Variants in BANK1 observed in about 807,000 individuals in gnomAD.
BANK1 encodes the protein B cell scaffold protein with ankyrin repeats 1.
In BANK1, 95 loss-of-function variants were observed where a neutral mutation model predicts 94.5. That is an observed-to-expected ratio of 1.00 (90% CI 0.85 to 1.19). The LOEUF (loss-of-function observed/expected upper bound fraction) is 1.19. Among genes scored for constraint, BANK1 ranks in the 50% most tolerant of loss-of-function variants. BANK1 has a pLI of 0.00. For missense variants in BANK1, 987 were observed against 932.2 expected (o/e 1.06, Z -0.77); for synonymous variants, 334 against 308.4 (o/e 1.08, Z -0.87).
At position 101,976,909 on chromosome 4, in the gene BANK1, T is replaced by C. The variant is rs544014980; in HGVS notation, c.1207-44605T>C. On this transcript the variant is annotated intron_variant, in intron 7 of 16. Transcript: ENST00000322953. Reference sequence around the variant, plus strand: ...GGTAGCATTATTTTACAGGATGCAGTATTCAATTTATTTCTATTATAACAA... The same window carrying C: ...GGTAGCATTATTTTACAGGATGCAGCATTCAATTTATTTCTATTATAACAA... 3.3e-5 allele frequency: 5 copies of C among 152,292 alleles called. No homozygotes were observed. The East Asian group carries it at 9.6e-4, about 29-fold the overall frequency. The allele number at this position is 152,292 out of a possible 1,614,324, so 9.4% of individuals were successfully genotyped here. A position where few individuals can be genotyped will look rare whatever the true frequency, so the allele number is the denominator to read the frequency against.
chr4:101,912,922 A>G (rs1222057907), intron 6 of BANK1, among the ~76,000 whole-genome samples: 1 of 152,166 alleles, frequency 6.6e-6, no homozygotes, highest in African/African-American at 2.4e-5. Context: ...TAAAATGCTG[A>G]AATAGTCCTT....
chr4:101,952,086 A>C (rs546583294), intron 7 of BANK1, among the ~76,000 whole-genome samples: 1 of 151,996 alleles, frequency 6.6e-6, no homozygotes, highest in African/African-American at 2.4e-5. Flanking sequence ...AAATGCATAA[A>C]TAAATAAATA....
At chr4:101,800,272 A>G (rs1725314813) in intron 1 of BANK1, among the ~76,000 whole-genome samples, 1 of 151,620 alleles carries the variant, frequency 6.6e-6, no homozygotes, top group Non-Finnish European at 1.5e-5. Context: ...CTAGAACTTG[A>G]AGTATAATTT....
At chr4:102,010,385 T>G (rs1180827576) in intron 7 of BANK1, among the ~76,000 whole-genome samples, 1 of 151,188 alleles carries the variant, frequency 6.6e-6, no homozygotes, top group Admixed American at 6.6e-5. Context: ...TTAGTTTGAT[T>G]AATTTCTTTT....
intron 7 of BANK1, among the ~76,000 whole-genome samples, chr4:101,947,309 A>ATATATATATATATG (rs1176507515): frequency 0.055 from 3,724 of 67,562 alleles, 297 homozygotes; most frequent in Non-Finnish European, 0.089. Context: ...ATATATATAT[A>ATATATATATATATG]TATGTATATG....
chr4:101,867,495 A>G (rs1477589098), intron 4 of BANK1, among the ~76,000 whole-genome samples: 2 of 151,998 alleles, frequency 1.3e-5, no homozygotes, highest in African/African-American at 4.8e-5. Context: ...TAAATGAATG[A>G]AGGTAAAAAC....
intron 3 of BANK1, among the ~76,000 whole-genome samples, chr4:101,861,012 G>C (rs977188946): frequency 3.9e-5 from 6 of 152,270 alleles, no homozygotes; most frequent in African/African-American, 1.4e-4. Context: ...TACTAGAAGC[G>C]AGGCCCTGTG....
At chr4:101,976,998 A>T (rs1725155712) in intron 7 of BANK1, 1 of 152,148 alleles carries the variant, frequency 6.6e-6, no homozygotes. Context: ...GTGTTGTGAA[A>T]GTCATCCAGA....
rs143614229 is a variant in BANK1, at chr4:102,039,460, T to G, written c.1901-4379T>G. Among the ~76,000 whole-genome samples the G allele has an allele frequency of 4.1e-3, 626 of 152,254 alleles. 4 individuals carry two copies. Among genetic ancestry groups the G allele is most frequent in the African/African-American group, 0.014 (596 of 41,560 alleles). ...TTGCTGGCTAGACAAAGGGTTTATTTACACTGTGGTTGCTTGTTTGTTTGT... is the reference window on the plus strand; with the variant it reads ...TTGCTGGCTAGACAAAGGGTTTATTGACACTGTGGTTGCTTGTTTGTTTGT... On this transcript the variant is annotated intron_variant, in intron 10 of 16. Coordinates refer to ENST00000322953, the MANE Select transcript of BANK1 (RefSeq NM_017935.5).
At chr4:101,916,605 CACAA>C (rs1343367196) in intron 6 of BANK1, among the ~76,000 whole-genome samples, 21 of 152,104 alleles carry the variant, frequency 1.4e-4, no homozygotes, top group Admixed American at 1.4e-3. Flanking sequence ...AGCAACTCTG[CACAA>C]ACAAATGTAT....
intron 2 of BANK1, among the ~76,000 whole-genome samples, chr4:101,839,959 TTTTTTTTTTTTTTTTTTTTTTTTTTTTG>T (rs1726976057): frequency 6.1e-5 from 4 of 65,082 alleles, no homozygotes; most frequent in South Asian, 1.3e-3. Context: ...TTTTTTTTTT[TTTTTTTTTTTTTTTTTTTTTTTTTTTTG>T]AGACAGAGTC....
At chr4:102,016,737 T>C (rs1726713851) in intron 7 of BANK1, among the ~76,000 whole-genome samples, 2 of 152,200 alleles carry the variant, frequency 1.3e-5, no homozygotes, top group African/African-American at 2.4e-5. Flanking sequence ...CTGACATATC[T>C]CCCTTCTGGT....
intron 5 of BANK1, among the ~76,000 whole-genome samples, chr4:101,883,885 A>G (rs1728760900): frequency 6.6e-6 from 1 of 152,110 alleles, no homozygotes; most frequent in African/African-American, 2.4e-5. Context: ...ATCATCAATA[A>G]CTCTTTGGAA....
intron 10 of BANK1, among the ~76,000 whole-genome samples, chr4:102,034,818 C>T (rs1377013538): frequency 1.3e-5 from 2 of 152,192 alleles, no homozygotes; most frequent in Non-Finnish European, 2.9e-5. Context: ...GAGGAAGAGG[C>T]AGGATTTGGA....
chr4:101,987,387 A>AG (rs1260174262), intron 7 of BANK1, among the ~76,000 whole-genome samples: 1 of 152,138 alleles, frequency 6.6e-6, no homozygotes, highest in Admixed American at 6.6e-5. Flanking sequence ...AGTTTATGTT[A>AG]CATTTTCAAG....
chr4:101,911,430 A>T (rs1209740118), intron 6 of BANK1, among the ~76,000 whole-genome samples: 1 of 152,148 alleles, frequency 6.6e-6, no homozygotes, highest in African/African-American at 2.4e-5. Context: ...GAAACATTGT[A>T]ATTTTTGTTT....
intron 4 of BANK1, among the ~76,000 whole-genome samples, chr4:101,869,452 C>T (rs543841984): frequency 2.0e-5 from 3 of 151,864 alleles, no homozygotes; most frequent in South Asian, 4.1e-4. Flanking sequence ...CATGCATCTT[C>T]TTTGTAATAC....
At chr4:101,950,144 C>G (rs1724100150) in intron 7 of BANK1, among the ~76,000 whole-genome samples, 1 of 152,036 alleles carries the variant, frequency 6.6e-6, no homozygotes, top group Non-Finnish European at 1.5e-5. Context: ...AGCTCCTTGC[C>G]TCTATATGAC....
At chr4:101,896,878 C>T (rs1437924516) in intron 6 of BANK1, among the ~76,000 whole-genome samples, 1 of 151,794 alleles carries the variant, frequency 6.6e-6, no homozygotes, top group East Asian at 1.9e-4. Context: ...AAATAATCTT[C>T]CAAAGATAGA....
Sources: allele counts gnomAD v4.1 joint callset (sites outside exome capture counted in the v4.1 genomes callset), GRCh38; gene constraint gnomAD v4.1.1; transcripts MANE v1.5; gene names NCBI Gene and HGNC (gene_info 2026-07-23, HGNC 2026-07-21).